Variants in EFCAB5 observed in about 807,000 individuals in gnomAD.
EFCAB5 encodes the protein EF-hand calcium binding domain 5.
In EFCAB5, 131 loss-of-function variants were observed where a neutral mutation model predicts 167.9. The ratio of observed to expected loss-of-function variants is 0.78; its 90% CI spans 0.68 to 0.90. EFCAB5 has a LOEUF of 0.90. Ranked by LOEUF, EFCAB5 falls within the 40% of genes least tolerant of loss-of-function variation. EFCAB5 has a pLI of 0.00. For synonymous variants in EFCAB5, 574 were observed against 602.8 expected (o/e 0.95, Z 0.70); for missense variants, 1,663 against 1,745.2 (o/e 0.95, Z 0.84).
At position 30,042,200 on chromosome 17, in the gene EFCAB5, G is replaced by A. The variant is rs983564129; in HGVS notation, c.1200+7815G>A. On this transcript the variant is annotated intron_variant, in intron 8 of 22. Transcript: ENST00000394835. ...ATTTTTGTATTTTTAATAGAGACGG[G>A]GTTTTGCCATGTTGGCCAGGCTGGT... is the stretch of plus-strand genomic sequence containing the variant. 3.3e-5 allele frequency among the ~76,000 whole-genome samples: 5 copies of A among 152,046 alleles called. No homozygotes were observed. The East Asian group carries it at 9.7e-4, about 29-fold the overall frequency.
upstream of EFCAB5, among the ~76,000 whole-genome samples, chr17:29,939,177 C>A (rs967168447): frequency 1.3e-5 from 2 of 152,098 alleles, no homozygotes; most frequent in Non-Finnish European, 2.9e-5. Flanking sequence ...CTTAGGTGAC[C>A]AAGTACACTG....
At chr17:30,093,716 C>G (rs1442276484) in intron 22 of EFCAB5, among the ~76,000 whole-genome samples, 1 of 152,184 alleles carries the variant, frequency 6.6e-6, no homozygotes, top group Non-Finnish European at 1.5e-5. Flanking sequence ...ATATTAATTG[C>G]AGTTAACGGA....
intron 22 of EFCAB5, among the ~76,000 whole-genome samples, chr17:30,096,096 T>C (rs1333666468): frequency 6.6e-6 from 1 of 152,212 alleles, no homozygotes; most frequent in Non-Finnish European, 1.5e-5. Context: ...CAAGTACTCA[T>C]ACAATGCACA....
intron 8 of EFCAB5, among the ~76,000 whole-genome samples, chr17:30,039,441 C>G (rs2069710794): frequency 6.6e-6 from 1 of 152,176 alleles, no homozygotes; most frequent in Admixed American, 6.5e-5. Flanking sequence ...CAGGTTATAA[C>G]ATTTGATGCT....
intron 8 of EFCAB5, among the ~76,000 whole-genome samples, chr17:30,049,256 C>T (rs934908709): frequency 6.6e-6 from 1 of 151,858 alleles, no homozygotes; most frequent in Non-Finnish European, 1.5e-5. Flanking sequence ...CTGAGGTGGG[C>T]GGATCACGAG....
At chr17:30,054,181 C>A (rs2070188847) in intron 10 of EFCAB5, 33 bp downstream of exon 10, 1 of 1,482,292 alleles carries the variant, frequency 6.7e-7, no homozygotes. Context: ...ACATCAGTTC[C>A]CTGTTTTGTG....
intron 7 of EFCAB5, among the ~76,000 whole-genome samples, chr17:30,014,583 T>C (rs2068986957): frequency 6.6e-6 from 1 of 152,216 alleles, no homozygotes; most frequent in South Asian, 2.1e-4. Flanking sequence ...TTGATCTTTG[T>C]TGATTTAAAG....
At chr17:29,932,673 G>A (rs1002907308) in intron 1 of EFCAB5, among the ~76,000 whole-genome samples, 1 of 151,990 alleles carries the variant, frequency 6.6e-6, no homozygotes, top group Non-Finnish European at 1.5e-5. Flanking sequence ...GGTCAGGCTG[G>A]TCTCGAACTC....
intron 6 of EFCAB5, among the ~76,000 whole-genome samples, chr17:29,999,013 A>G (rs953721206): frequency 1.1e-4 from 16 of 151,542 alleles, no homozygotes; most frequent in African/African-American, 3.4e-4. Flanking sequence ...TTTTTCTTCT[A>G]TTTTTGGTCA....
At chr17:30,070,144 G>A (rs2070694918) in intron 14 of EFCAB5, among the ~76,000 whole-genome samples, 1 of 151,978 alleles carries the variant, frequency 6.6e-6, no homozygotes, top group Non-Finnish European at 1.5e-5. Context: ...GTCTGTCTGA[G>A]TCAACCAATA....
chr17:30,041,974 A>G (rs775488529), intron 8 of EFCAB5, among the ~76,000 whole-genome samples: 6 of 152,056 alleles, frequency 3.9e-5, no homozygotes, highest in Non-Finnish European at 7.4e-5. Context: ...AGTTTAAGCT[A>G]TTGAGCACTT....
At chr17:30,079,979 G>T in intron 15 of EFCAB5, 93 bp from the exon 16 acceptor site, 1 of 1,432,218 alleles carries the variant, frequency 7.0e-7, no homozygotes, top group Non-Finnish European at 9.4e-7. Context: ...GAAACTACTG[G>T]GGCAAGATGC....
chr17:29,930,915 C>T (rs911205570), intron 1 of EFCAB5, among the ~76,000 whole-genome samples: 8 of 152,140 alleles, frequency 5.3e-5, no homozygotes, highest in African/African-American at 1.9e-4. Flanking sequence ...CTCTCACTTG[C>T]CTCCTGCTGT....
chr17:30,094,731 C>G (rs2071264994), intron 22 of EFCAB5, among the ~76,000 whole-genome samples: 1 of 152,088 alleles, frequency 6.6e-6, no homozygotes, highest in Admixed American at 6.6e-5. Flanking sequence ...TGATGAAACT[C>G]TAGGCAGCTG....
At chr17:30,091,819 G>C (rs1361814231) in intron 20 of EFCAB5, 52 bp from the exon 21 acceptor site, 3 of 1,564,640 alleles carry the variant, frequency 1.9e-6, no homozygotes, top group African/African-American at 2.7e-5. Flanking sequence ...GTAATGTACA[G>C]CAATGTACAT....
At chr17:30,021,667 G>A (rs1353332802) in intron 7 of EFCAB5, among the ~76,000 whole-genome samples, 2 of 151,988 alleles carry the variant, frequency 1.3e-5, no homozygotes, top group South Asian at 4.1e-4. Flanking sequence ...GCTGTTACCT[G>A]AACAGAAACA....
At position 30,091,226 on chromosome 17, in the gene EFCAB5, G is replaced by C. The variant is rs368691903; in HGVS notation, c.3937+552G>C. ...AAGGTCCAATAGCAAGCTGGTGGGA[G>C]AGCCAGGATTAGACTTTAGTTTTTG... On this transcript the variant is annotated intron_variant, in intron 20 of 22. Transcript: ENST00000394835. 4.6e-5 allele frequency among the ~76,000 whole-genome samples: 7 copies of C among 152,316 alleles called. No homozygotes were observed. In the South Asian group the frequency reaches 6.2e-4, roughly 14 times the overall value.
At chr17:30,099,740 G>A (rs1427522681) in intron 22 of EFCAB5, among the ~76,000 whole-genome samples, 7 of 152,104 alleles carry the variant, frequency 4.6e-5, no homozygotes, top group Non-Finnish European at 7.4e-5. Flanking sequence ...GGAGGTGGGT[G>A]GGGGCCAAAA....
intron 4 of EFCAB5, among the ~76,000 whole-genome samples, chr17:29,979,028 C>T (rs2151602693): frequency 6.6e-6 from 1 of 152,164 alleles, no homozygotes; most frequent in Non-Finnish European, 1.5e-5. Flanking sequence ...AAAGGTGGCT[C>T]AATTGGAACT....
Sources: allele counts gnomAD v4.1 joint callset (sites outside exome capture counted in the v4.1 genomes callset), GRCh38; gene constraint gnomAD v4.1.1; transcripts MANE v1.5; gene names NCBI Gene and HGNC (gene_info 2026-07-23, HGNC 2026-07-21).